Variants in PHACTR2 observed in about 807,000 individuals in gnomAD.
PHACTR2 encodes the protein chromosome 6 open reading frame 56.
PHACTR2 carries 30 observed loss-of-function variants against 76.0 expected under a neutral mutation model. That is an observed-to-expected ratio of 0.39 (90% CI 0.30 to 0.54). PHACTR2 has a LOEUF of 0.54. Among genes scored for constraint, PHACTR2 ranks in the 20% least tolerant of loss-of-function variants. PHACTR2 has a pLI of 0.61. For missense variants in PHACTR2, 696 were observed against 781.1 expected, an observed-to-expected ratio of 0.89 and a Z score of 1.30; for synonymous variants, 292 against 292.5, an observed-to-expected ratio of 1.00 and a Z score of 0.02.
rs1294554940 is a variant in PHACTR2, at chr6:143,662,771, C to G, written c.14-49245C>G. On this transcript the variant is annotated intron_variant, in intron 1 of 11. Transcript: ENST00000305766. This position sits in a 1 kb window ranked among gnomAD's most constrained non-coding sequence, Gnocchi z 4.7. ...TTAATTTCGGCTTTTATTTTTGATACAGGGGGTATGTATGGAGGACTGTTA... is the reference window on the plus strand; with the variant it reads ...TTAATTTCGGCTTTTATTTTTGATAGAGGGGGTATGTATGGAGGACTGTTA... Among the ~76,000 whole-genome samples the G allele has an allele frequency of 6.6e-6, 1 of 151,844 alleles. No individual in the cohort carries two copies. Among genetic ancestry groups the G allele is most frequent in the Non-Finnish European group, 1.5e-5 (1 of 67,984 alleles).
rs1446159823 is a variant in PHACTR2 at position 143,624,566 on chromosome 6, ACT to A, written c.13+16247_13+16248del. ...ATCAGCAATTTGGGATTATATCACC[ACT>A]CTTTTTTAATGTTGTGGGAAGCAGT... is the stretch of plus-strand genomic sequence containing the variant. On this transcript the variant is annotated intron_variant, in intron 1 of 11. Transcript: ENST00000305766. This position sits in a 1 kb window ranked among gnomAD's most constrained non-coding sequence, Gnocchi z 4.6. 1.3e-5 allele frequency among the ~76,000 whole-genome samples: 2 copies of A among 151,504 alleles called. No individual in the cohort carries two copies. Among genetic ancestry groups the A allele is most frequent in the Non-Finnish European group, 2.9e-5 (2 of 67,898 alleles).
chr6:143,622,458 G>A (rs373724367), intron 1 of PHACTR2, among the ~76,000 whole-genome samples: 6 of 152,166 alleles, frequency 3.9e-5, no homozygotes, highest in East Asian at 3.8e-4. Flanking sequence ...TTACCTTACC[G>A]TTGGTTTCCT....
At position 143,822,352 on chromosome 6, in the gene PHACTR2, G is replaced by A. The variant is rs1355076732; in HGVS notation, c.1923-1322G>A. On this transcript the variant is annotated intron_variant, in intron 12 of 12. Transcript: ENST00000440869. The surrounding 1 kb of genome is among the most constrained non-coding windows in gnomAD (Gnocchi z 5.5). Reference sequence around the variant, plus strand: ...TTAAATTTTATTTTGTAGGTAATGGGGAACAATACGATCCTTTTGAGAAAG... The same window carrying A: ...TTAAATTTTATTTTGTAGGTAATGGAGAACAATACGATCCTTTTGAGAAAG... 2.0e-5 allele frequency among the ~76,000 whole-genome samples: 3 copies of A among 152,016 alleles called. No homozygotes were observed. Among genetic ancestry groups the A allele is most frequent in the Non-Finnish European group, 1.5e-5 (1 of 67,984 alleles).
intron 12 of PHACTR2, among the ~76,000 whole-genome samples, chr6:143,808,127 A>AT (rs35192258): frequency 0.02 from 2,619 of 130,380 alleles, 65 homozygotes; most frequent in African/African-American, 0.062. Flanking sequence ...ACAATCCAAA[A>AT]TTTTTTTTTT....
intron 1 of PHACTR2, among the ~76,000 whole-genome samples, chr6:143,632,908 G>T (rs533256165): frequency 2.0e-5 from 3 of 152,158 alleles, no homozygotes; most frequent in East Asian, 1.9e-4. Flanking sequence ...TGCACTTAAG[G>T]TTCCTCCATG....
chr6:143,694,970 G>A (rs553223286), intron 1 of PHACTR2, among the ~76,000 whole-genome samples: 72 of 152,202 alleles, frequency 4.7e-4, no homozygotes, highest in Non-Finnish European at 2.8e-4. Flanking sequence ...CCTCCTCTAG[G>A]TTCAAAATTC....
In PHACTR2 at chr6:143,780,817, T is replaced by A. The variant is rs1775411491; in HGVS notation, c.1646-2402T>A. Among the ~76,000 whole-genome samples the A allele has an allele frequency of 6.6e-6, 1 of 152,218 alleles. No individual in the cohort carries two copies. Among genetic ancestry groups the A allele is most frequent in the Admixed American group, 6.5e-5 (1 of 15,276 alleles). Reference sequence around the variant, plus strand: ...AACCACGTCACTTCCTTCATGCATATCCCACCAGCCTGTTTAAATTGACCA... The same window carrying A: ...AACCACGTCACTTCCTTCATGCATAACCCACCAGCCTGTTTAAATTGACCA... On this transcript the variant is annotated intron_variant, in intron 9 of 12. Transcript: ENST00000440869. This position sits in a 1 kb window ranked among gnomAD's most constrained non-coding sequence, Gnocchi z 4.4.
At chr6:143,746,956 AAAGG>A (rs1490734874) in intron 2 of PHACTR2, among the ~76,000 whole-genome samples, 1 of 152,162 alleles carries the variant, frequency 6.6e-6, no homozygotes, top group Non-Finnish European at 1.5e-5. Flanking sequence ...TGAGGAATCT[AAAGG>A]AAGGGAGGGA....
In PHACTR2 at chr6:143,765,342, A is replaced by G. The variant is rs766878532; in HGVS notation, c.776A>G (p.Lys259Arg). Residue 259 changes from lysine to arginine, a missense_variant, in exon 6 of 13, where the codon AAA (lysine) becomes AGA (arginine). Physicochemically the swap from Lys to Arg is conservative, Grantham distance 26. Transcript: ENST00000440869. The surrounding 1 kb of genome is among the most constrained non-coding windows in gnomAD (Gnocchi z 4.1). ...PSTSSTSSRPKASKETVSSKA... is the reference protein window; with the variant it reads ...PSTSSTSSRPRASKETVSSKA... ...ACTTCATCCACCTCATCTCGTCCCA[A>G]AGCTTCAAAGGAGACAGTTTCTAGC... 6.8e-6 allele frequency: 11 copies of G among 1,614,068 alleles called. No homozygotes were observed. The highest frequency in any genetic ancestry group is 6.7e-5 in the East Asian group (3 of 44,894).
Position 143,794,148 on chromosome 6 carries a change from C to T in PHACTR2, c.1845+5238C>T, listed in dbSNP as rs1278469118. On this transcript the variant is annotated intron_variant, in intron 11 of 12. Transcript: ENST00000440869. The surrounding 1 kb of genome is among the most constrained non-coding windows in gnomAD (Gnocchi z 4.1). Reference sequence around the variant, plus strand: ...ACCTAACACTGAAAAAAATTGTTCCCTCTAGTTGTTAAAAGATAAGTGTGA... The same window carrying T: ...ACCTAACACTGAAAAAAATTGTTCCTTCTAGTTGTTAAAAGATAAGTGTGA... Among the ~76,000 whole-genome samples the T allele has an allele frequency of 6.6e-6, 1 of 151,608 alleles. No individual in the cohort carries two copies. The highest frequency in any genetic ancestry group is 1.9e-4 in the East Asian group (1 of 5,178).
At position 143,703,710 on chromosome 6, in the gene PHACTR2, C is replaced by T. The variant is rs149134296; in HGVS notation, c.47-8306C>T. Among the ~76,000 whole-genome samples, 48 of 151,986 alleles carry T rather than the reference C, an allele frequency of 3.2e-4. No homozygotes were observed. The East Asian group carries it at 3.5e-3, about 11-fold the overall frequency. On this transcript the variant is annotated intron_variant, in intron 1 of 12. Coordinates refer to ENST00000440869, the MANE Select transcript of PHACTR2 (RefSeq NM_001100164.2). ...TTTGCCATGATTATTACCTTAATGC[C>T]GATTATTTTTAAAGGAACCATCAGC...
rs1024218576 is a variant in PHACTR2, at chr6:143,570,788, T to C, written c.217+33581T>C. ...GTTCTGGTAGGGGGCCTCTATCTTA[T>C]TGAGCACACTTTTGACGGTGGAGAT... On this transcript the variant is annotated intron_variant, in intron 1 of 11. Transcript: ENST00000367584. This position sits in a 1 kb window ranked among gnomAD's most constrained non-coding sequence, Gnocchi z 4.6. Among the ~76,000 whole-genome samples, 3 of 152,126 alleles carry C rather than the reference T, an allele frequency of 2.0e-5. No individual in the cohort carries two copies. Among genetic ancestry groups the C allele is most frequent in the Admixed American group, 6.5e-5 (1 of 15,278 alleles).
Position 143,556,446 on chromosome 6 carries a change from C to T in PHACTR2, c.217+19239C>T, listed in dbSNP as rs991888689. On this transcript the variant is annotated intron_variant, in intron 1 of 11. Transcript: ENST00000367584. This position sits in a 1 kb window ranked among gnomAD's most constrained non-coding sequence, Gnocchi z 4.3. ...AAGGCAGCCAGCTTGATAGAATCAT[C>T]AAAAATAAAAATTGAGGCATATAAC... Among the ~76,000 whole-genome samples, 4 of 151,974 alleles carry T rather than the reference C, an allele frequency of 2.6e-5. No homozygotes were observed. The highest frequency in any genetic ancestry group is 9.7e-5 in the African/African-American group (4 of 41,370).
At chr6:143,797,960 T>A (rs1448142624) in intron 11 of PHACTR2, among the ~76,000 whole-genome samples, 1 of 152,222 alleles carries the variant, frequency 6.6e-6, no homozygotes, top group Admixed American at 6.5e-5. Context: ...TGGATGGGGA[T>A]AGCATTGAAT....
rs1775178414 is a variant in PHACTR2 at position 143,556,619 on chromosome 6, C to A, written c.217+19412C>A. On this transcript the variant is annotated intron_variant, in intron 1 of 11. Coordinates refer to the PHACTR2 transcript ENST00000367584. This position sits in a 1 kb window ranked among gnomAD's most constrained non-coding sequence, Gnocchi z 4.3. ...CAATCTAAACGCAGCCCTAGAGCAG[C>A]AATTCAGCTTCCCAGCTTGGAGGAC... Among the ~76,000 whole-genome samples the A allele has an allele frequency of 6.6e-6, 1 of 152,172 alleles. No homozygotes were observed. Among genetic ancestry groups the A allele is most frequent in the South Asian group, 2.1e-4 (1 of 4,826 alleles).
rs1011801008 is a variant in PHACTR2, at chr6:143,648,752, G to A, written c.13+40430G>A. Among the ~76,000 whole-genome samples the A allele has an allele frequency of 2.0e-5, 3 of 152,116 alleles. No homozygotes were observed. The highest frequency in any genetic ancestry group is 4.8e-5 in the African/African-American group (2 of 41,492). The stretch of plus-strand genomic sequence containing the variant: ...TGCTTCTCCTCCCCAGGATGTGCAC[G>A]TGTGTGTGTCTCTGTGTGTGTGTGG... On this transcript the variant is annotated intron_variant, in intron 1 of 11. Transcript: ENST00000305766. The surrounding 1 kb of genome is among the most constrained non-coding windows in gnomAD (Gnocchi z 6.7).
Position 143,764,645 on chromosome 6 carries a change from C to G in PHACTR2, c.695-616C>G, listed in dbSNP as rs1267874006. Reference sequence around the variant, plus strand: ...GTGTGGCCATGGGTTTTCCCTTTACCCCATCTCTACTGCAGATGGAAGTAG... The same window carrying G: ...GTGTGGCCATGGGTTTTCCCTTTACGCCATCTCTACTGCAGATGGAAGTAG... On this transcript the variant is annotated intron_variant, in intron 5 of 12. Transcript: ENST00000440869. This position sits in a 1 kb window ranked among gnomAD's most constrained non-coding sequence, Gnocchi z 4.7. Among the ~76,000 whole-genome samples, 2 of 152,028 alleles carry G rather than the reference C, an allele frequency of 1.3e-5. No homozygotes were observed. Among genetic ancestry groups the G allele is most frequent in the African/African-American group, 4.8e-5 (2 of 41,392 alleles).
intron 1 of PHACTR2, among the ~76,000 whole-genome samples, chr6:143,706,333 C>G (rs1181862611): frequency 6.6e-6 from 1 of 152,182 alleles, no homozygotes; most frequent in Non-Finnish European, 1.5e-5. Flanking sequence ...GGTGTTACTG[C>G]TTCTAGGCCT....
In PHACTR2 at chr6:143,598,079, G is replaced by A. The variant is rs1457782865; in HGVS notation, c.217+60872G>A. On this transcript the variant is annotated intron_variant, in intron 1 of 11. Coordinates refer to the PHACTR2 transcript ENST00000367584. This position sits in a 1 kb window ranked among gnomAD's most constrained non-coding sequence, Gnocchi z 4.1. ...GACAGTGATGATATAGTAGGTCGAA[G>A]AATGCCCCCCGCGCCCCCAAAAAAG... is the stretch of plus-strand genomic sequence containing the variant. Among the ~76,000 whole-genome samples, 1 of 152,078 alleles carries A rather than the reference G, an allele frequency of 6.6e-6. No homozygotes were observed. The highest frequency in any genetic ancestry group is 1.9e-4 in the East Asian group (1 of 5,190).
Sources: allele counts gnomAD v4.1 joint callset (sites outside exome capture counted in the v4.1 genomes callset), GRCh38; gene constraint gnomAD v4.1.1; non-coding constraint Gnocchi (gnomAD v3.1); transcripts MANE v1.5; gene names NCBI Gene and HGNC (gene_info 2026-07-23, HGNC 2026-07-21).